The following ABCA13 variants were observed in gnomAD, a reference collection of about 807,000 sequenced individuals.
ABCA13 encodes the protein ATP-binding cassette sub-family A member 13.
A neutral mutation model predicts 478.7 loss-of-function variants in ABCA13; 476 were observed. The ratio of observed to expected loss-of-function variants is 0.99; its 90% CI spans 0.92 to 1.07. The LOEUF (loss-of-function observed/expected upper bound fraction) is 1.07. Among genes scored for constraint, ABCA13 ranks in the 50% least tolerant of loss-of-function variants. ABCA13 has a pLI of 0.00. For missense variants in ABCA13, 6,060 were observed against 5,910.6 expected (o/e 1.03, Z -0.83); for synonymous variants, 2,252 against 2,158.9 (o/e 1.04, Z -1.20).
intron 17 of ABCA13, among the ~76,000 whole-genome samples, chr7:48,277,655 T>G (rs1584583139): frequency 6.6e-6 from 1 of 152,202 alleles, no homozygotes; most frequent in African/African-American, 2.4e-5. Context: ...CAGCTATTGT[T>G]TAGCCTAGTC....
rs1247708744 is a variant in ABCA13, at chr7:48,412,441, A to G, written c.12317A>G (p.Asp4106Gly). The G allele has an allele frequency of 1.2e-6, 2 of 1,613,486 alleles. No individual in the cohort carries two copies. Among genetic ancestry groups the G allele is most frequent in the Non-Finnish European group, 1.7e-6 (2 of 1,179,836 alleles). Residue 4106 changes from aspartate (D) to glycine (G), a missense_variant, in exon 41 of 62, where the codon GAC becomes GGC. Coordinates refer to ENST00000435803, the MANE Select transcript of ABCA13 (RefSeq NM_152701.5). ...KIYIPQAFLK[D>G]SSGSELTYTI... ...TATATTCCACAAGCATTTCTCAAAG[A>G]CAGCAGTGGAAGTGAGCTGACCTAC...
At chr7:48,360,479 G>C (rs1215207217) in intron 31 of ABCA13, among the ~76,000 whole-genome samples, 1 of 151,974 alleles carries the variant, frequency 6.6e-6, no homozygotes, top group Non-Finnish European at 1.5e-5. Context: ...ATGCTCTCCT[G>C]ATAAGAGGAA....
intron 32 of ABCA13, among the ~76,000 whole-genome samples, chr7:48,371,933 A>G (rs925103656): frequency 3.9e-5 from 6 of 152,120 alleles, no homozygotes; most frequent in African/African-American, 1.4e-4. Context: ...GTTTGTCATG[A>G]ATGGCTCTTT....
At chr7:48,467,435 A>AT (rs894222585) in intron 44 of ABCA13, among the ~76,000 whole-genome samples, 49 of 152,240 alleles carry the variant, frequency 3.2e-4, no homozygotes, top group Middle Eastern at 3.4e-3. Context: ...TTAATTATAT[A>AT]TTTTTTTAAC....
At chr7:48,372,109 T>G in intron 32 of ABCA13, 59 bp from the exon 33 acceptor site, 3 of 1,468,452 alleles carry the variant, frequency 2.0e-6, no homozygotes, top group Non-Finnish European at 2.8e-6. Flanking sequence ...TACCATCTGA[T>G]TTGTTCTTCC....
chr7:48,413,838 C>T (rs1356241243), intron 41 of ABCA13, among the ~76,000 whole-genome samples: 4 of 152,152 alleles, frequency 2.6e-5, no homozygotes, highest in Non-Finnish European at 2.9e-5. Flanking sequence ...CCTGAAACTC[C>T]GTAACTTATT....
chr7:48,335,561 G>A (rs767857421), intron 28 of ABCA13, 26 bp downstream of exon 28: 50 of 1,582,716 alleles, frequency 3.2e-5, no homozygotes, highest in Admixed American at 1.5e-4. Flanking sequence ...TTGCCACCGA[G>A]GGATGGGGAG....
rs561292134 is a variant in ABCA13 at position 48,518,453 on chromosome 7, A to G, written c.13797+1572A>G. 1.8e-3 allele frequency among the ~76,000 whole-genome samples: 267 copies of G among 152,280 alleles called. 1 individual carries two copies. The highest frequency in any genetic ancestry group is 6.2e-3 in the African/African-American group (256 of 41,578). On this transcript the variant is annotated intron_variant, in intron 52 of 61. Coordinates refer to ENST00000435803, the MANE Select transcript of ABCA13 (RefSeq NM_152701.5). ...AAGCTGACCAGGAACCTTTCCACTC[A>G]TGAGGTTTTACCAGTGTGGCAAGTG...
At chr7:48,312,651 G>A (rs991456677) in intron 24 of ABCA13, among the ~76,000 whole-genome samples, 1 of 152,174 alleles carries the variant, frequency 6.6e-6, no homozygotes, top group Non-Finnish European at 1.5e-5. Context: ...CATCCCCAAG[G>A]TATTAGGAGG....
chr7:48,559,852 G>T (rs1786269861), intron 55 of ABCA13, among the ~76,000 whole-genome samples: 1 of 152,156 alleles, frequency 6.6e-6, no homozygotes, highest in Non-Finnish European at 1.5e-5. Flanking sequence ...TAGATTGGAG[G>T]CCTCATGAAT....
intron 31 of ABCA13, among the ~76,000 whole-genome samples, chr7:48,362,568 T>C (rs73099309): frequency 0.14 from 20,747 of 151,440 alleles, 1,582 homozygotes; most frequent in East Asian, 0.31. Flanking sequence ...TCTTTGATAG[T>C]ATAAAATGCA....
intron 2 of ABCA13, among the ~76,000 whole-genome samples, chr7:48,195,110 GA>G (rs1370138009): frequency 6.6e-6 from 1 of 152,228 alleles, no homozygotes; most frequent in Non-Finnish European, 1.5e-5. Context: ...GTGCAGAGGA[GA>G]AATTGCCTAG....
In ABCA13 at chr7:48,530,163, C is replaced by A. The variant is rs1408021563; in HGVS notation, c.14354+1818C>A. On this transcript the variant is annotated intron_variant, in intron 55 of 61. Coordinates refer to ENST00000435803, the MANE Select transcript of ABCA13 (RefSeq NM_152701.5). ...CTTTGTGTCCTAATAGCTTAACTTA[C>A]AATTATAGTGAGAACATAAGAATGC... is the stretch of plus-strand genomic sequence containing the variant. 2.0e-5 allele frequency among the ~76,000 whole-genome samples: 3 copies of A among 152,164 alleles called. No homozygotes were observed. The East Asian group carries it at 5.8e-4, about 29-fold the overall frequency.
At chr7:48,483,879 G>A (rs1019426157) in intron 47 of ABCA13, among the ~76,000 whole-genome samples, 1 of 152,210 alleles carries the variant, frequency 6.6e-6, no homozygotes, top group African/African-American at 2.4e-5. Flanking sequence ...AGAGAAATCA[G>A]AAAAGGGTAG....
At position 48,587,207 on chromosome 7, in the gene ABCA13, T is replaced by G; in HGVS notation, c.14559T>G (p.Pro4853=). ...RLHLEAHADK[P]VATYSGGTKR... ...ACCTCGAAGCCCACGCGGACAAACC[T>G]GTGGCCACCTACAGTGGGGGAACCA... Residue 4853 remains proline, a synonymous_variant, in exon 57 of 62, where the codon CCT becomes CCG. Coordinates refer to ENST00000435803, the MANE Select transcript of ABCA13 (RefSeq NM_152701.5). The G allele has an allele frequency of 6.2e-7, 1 of 1,612,912 alleles. No homozygotes were observed. Among genetic ancestry groups the G allele is most frequent in the Non-Finnish European group, 8.5e-7 (1 of 1,179,480 alleles).
At position 48,192,994 on chromosome 7, in the gene ABCA13, C is replaced by G; in HGVS notation, c.105C>G (p.Ile35Met). The change falls in exon 2 of 62, where the codon ATC becomes ATG. Residue 35 changes from isoleucine to methionine, a missense_variant. Ile to Met is a conservative substitution (Grantham distance 10, BLOSUM62 1). Transcript: ENST00000435803. The stretch of plus-strand genomic sequence containing the variant: ...TTGCTGAATTCTTCTGGCCTTGTAT[C>G]CTGTTTGTAATTCTGACAGTTCTTC... ...LFLAEFFWPCILFVILTVLRF... is the reference protein window; with the variant it reads ...LFLAEFFWPCMLFVILTVLRF... 6.6e-7 allele frequency: 1 copy of G among 1,526,388 alleles called. No individual in the cohort carries two copies. Among genetic ancestry groups the G allele is most frequent in the Non-Finnish European group, 8.8e-7 (1 of 1,142,054 alleles). The allele number at this position is 1,526,388 out of a possible 1,614,324, so 94.6% of individuals were successfully genotyped here.
chr7:48,547,814 G>A (rs1249049216), intron 55 of ABCA13, among the ~76,000 whole-genome samples: 4 of 148,438 alleles, frequency 2.7e-5, no homozygotes, highest in Non-Finnish European at 4.5e-5. Context: ...GCTAATGTAA[G>A]TGTTCTGAGC....
At chr7:48,250,482 C>A (rs531882709) in intron 15 of ABCA13, among the ~76,000 whole-genome samples, 1 of 152,186 alleles carries the variant, frequency 6.6e-6, no homozygotes, top group Non-Finnish European at 1.5e-5. Flanking sequence ...GGCTATCCAG[C>A]GCCTCTAGTC....
chr7:48,404,097 A>G (rs1381034963), intron 39 of ABCA13: 2 of 554,744 alleles, frequency 3.6e-6, no homozygotes, highest in Non-Finnish European at 6.8e-6. Context: ...TTTTAACTCA[A>G]TAACAGCAAT....
Sources: allele counts gnomAD v4.1 joint callset (sites outside exome capture counted in the v4.1 genomes callset), GRCh38; gene constraint gnomAD v4.1.1; transcripts MANE v1.5; gene names NCBI Gene and HGNC (gene_info 2026-07-23, HGNC 2026-07-21).